ELOVL6: variants seen among roughly 807,000 people sequenced by gnomAD.
ELOVL6 encodes very long chain fatty acid elongase 6.
Under a neutral mutation model 31.7 loss-of-function variants are expected in ELOVL6, and 8 were observed. The observed-to-expected ratio is 0.25, with a 90% CI of 0.15 to 0.45. The LOEUF (loss-of-function observed/expected upper bound fraction) is 0.45, where lower values mean the gene tolerates loss of function less well. Among genes scored for constraint, ELOVL6 ranks in the 20% least tolerant of loss-of-function variants. The pLI is 1.00. For synonymous variants in ELOVL6, 101 were observed against 117.7 expected, an observed-to-expected ratio of 0.86 and a Z score of 0.92; for missense variants, 126 against 326.4, an observed-to-expected ratio of 0.39 and a Z score of 4.73.
chr4:110,137,780 A>T (rs1757850292), intron 1 of ELOVL6, among the ~76,000 whole-genome samples: 2 of 152,210 alleles, frequency 1.3e-5, no homozygotes, highest in South Asian at 4.1e-4. Context: ...GAAATAACAC[A>T]ATTGGCTACG....
At chr4:110,196,492 G>A (rs1489766072) in intron 1 of ELOVL6, among the ~76,000 whole-genome samples, 2 of 152,188 alleles carry the variant, frequency 1.3e-5, no homozygotes, top group African/African-American at 4.8e-5. Context: ...AGGACCCCGG[G>A]CGGTGGGGCT....
At chr4:110,175,132 G>A (rs1759062840) in intron 1 of ELOVL6, among the ~76,000 whole-genome samples, 1 of 151,850 alleles carries the variant, frequency 6.6e-6, no homozygotes, top group Non-Finnish European at 1.5e-5. Context: ...GCCTGTAATC[G>A]CAATACTTTG....
At chr4:110,154,173 C>G (rs1758353115) in intron 1 of ELOVL6, among the ~76,000 whole-genome samples, 1 of 152,178 alleles carries the variant, frequency 6.6e-6, no homozygotes, top group African/African-American at 2.4e-5. Context: ...ACATTCTAGG[C>G]TCAAGTGATC....
intron 1 of ELOVL6, among the ~76,000 whole-genome samples, chr4:110,139,167 AAATG>A (rs1444916731): frequency 2.0e-5 from 3 of 152,180 alleles, no homozygotes; most frequent in Admixed American, 6.5e-5. Flanking sequence ...ATAAACAACA[AAATG>A]AAAACGTTTT....
At chr4:110,085,871 T>C (rs994363173) in intron 2 of ELOVL6, among the ~76,000 whole-genome samples, 1 of 152,150 alleles carries the variant, frequency 6.6e-6, no homozygotes, top group Non-Finnish European at 1.5e-5. Context: ...TGCTCCACCA[T>C]GCCCAGCTAA....
chr4:110,186,803 CAAAAAAAAA>C (rs397994948), intron 1 of ELOVL6, among the ~76,000 whole-genome samples: 52 of 82,540 alleles, frequency 6.3e-4, no homozygotes, highest in Admixed American at 1.5e-3. Context: ...GACTCTGTCT[CAAAAAAAAA>C]AAAAAAAAAA....
At chr4:110,175,647 C>T (rs557285440) in intron 1 of ELOVL6, among the ~76,000 whole-genome samples, 6 of 152,270 alleles carry the variant, frequency 3.9e-5, no homozygotes, top group Non-Finnish European at 8.8e-5. Flanking sequence ...TTATAGAAGA[C>T]TTTTACCCTC....
intron 1 of ELOVL6, among the ~76,000 whole-genome samples, chr4:110,160,834 A>G (rs1161933731): frequency 6.6e-6 from 1 of 152,228 alleles, no homozygotes; most frequent in Non-Finnish European, 1.5e-5. Context: ...GGAAACAGCT[A>G]AACAGAGAGA....
chr4:110,193,699 T>G (rs1320475120), intron 1 of ELOVL6, among the ~76,000 whole-genome samples: 5 of 152,238 alleles, frequency 3.3e-5, no homozygotes, highest in African/African-American at 1.2e-4. Context: ...CTGAACAGCA[T>G]TTAATTCTTA....
intron 1 of ELOVL6, among the ~76,000 whole-genome samples, chr4:110,182,991 A>G (rs1285892728): frequency 6.6e-6 from 1 of 152,206 alleles, no homozygotes; most frequent in Non-Finnish European, 1.5e-5. Flanking sequence ...ATTCCTAGCT[A>G]AAGGGTCTGG....
chr4:110,090,986 A>G (rs1756409913), intron 2 of ELOVL6, among the ~76,000 whole-genome samples: 1 of 152,228 alleles, frequency 6.6e-6, no homozygotes, highest in African/African-American at 2.4e-5. Flanking sequence ...AGGAAGAAAT[A>G]CAGAAGGTAT....
At chr4:110,055,503 A>T (rs1754956663) in intron 3 of ELOVL6, among the ~76,000 whole-genome samples, 1 of 152,128 alleles carries the variant, frequency 6.6e-6, no homozygotes, top group African/African-American at 2.4e-5. Flanking sequence ...TTCATTCAAG[A>T]GACAGCTTTC....
At chr4:110,165,708 T>G (rs947876840) in intron 1 of ELOVL6, among the ~76,000 whole-genome samples, 2 of 152,180 alleles carry the variant, frequency 1.3e-5, no homozygotes, top group Non-Finnish European at 2.9e-5. Context: ...CTTCCTCAAC[T>G]ATAAAATAAC....
chr4:110,101,015 A>G (rs1560823235), intron 2 of ELOVL6, among the ~76,000 whole-genome samples: 1 of 152,216 alleles, frequency 6.6e-6, no homozygotes. Context: ...ACTCATTAAA[A>G]CAACTGTTTG....
At chr4:110,118,475 A>G (rs1757251503) in intron 1 of ELOVL6, among the ~76,000 whole-genome samples, 1 of 152,162 alleles carries the variant, frequency 6.6e-6, no homozygotes, top group Non-Finnish European at 1.5e-5. Context: ...TACATTTTCA[A>G]CTTTTTTAGA....
intron 1 of ELOVL6, among the ~76,000 whole-genome samples, chr4:110,117,146 T>C (rs750924560): frequency 6.6e-6 from 1 of 152,146 alleles, no homozygotes; most frequent in Non-Finnish European, 1.5e-5. Flanking sequence ...TGGAAGGCAG[T>C]TGGCTACTGG....
intron 2 of ELOVL6, among the ~76,000 whole-genome samples, chr4:110,079,580 T>C (rs1244678702): frequency 2.6e-5 from 4 of 152,022 alleles, no homozygotes; most frequent in African/African-American, 9.6e-5. Context: ...CTCTGGGACA[T>C]ATTCAAAGCA....
chr4:110,057,666 C>T (rs1755025525), intron 3 of ELOVL6, among the ~76,000 whole-genome samples: 2 of 151,818 alleles, frequency 1.3e-5, no homozygotes, highest in African/African-American at 4.8e-5. Context: ...GCCTGGCCAA[C>T]ATGGTGAAAC....
At chr4:110,072,312 C>T in intron 2 of ELOVL6, among the ~76,000 whole-genome samples, 1 of 152,166 alleles carries the variant, frequency 6.6e-6, no homozygotes. Flanking sequence ...GCTGTCTCTA[C>T]TAAAAATACA....
Sources: gnomAD v4.1 joint callset for allele counts (sites outside exome capture counted in the v4.1 genomes callset) on GRCh38, gnomAD v4.1.1 for gene constraint, MANE v1.5 for transcripts, NCBI Gene and HGNC (gene_info 2026-07-23, HGNC 2026-07-21) for gene names.